The following PCDH11X variants were observed in gnomAD, a reference collection of about 807,000 sequenced individuals.
PCDH11X encodes the protein protocadherin 11 X-linked.
A neutral mutation model predicts 53.3 loss-of-function variants in PCDH11X; 18 were observed. The observed-to-expected ratio is 0.34, with a 90% CI of 0.23 to 0.50. The LOEUF is 0.50. Ranked by LOEUF, PCDH11X falls within the 20% of genes least tolerant of loss-of-function variation. The pLI, the probability that PCDH11X is intolerant of heterozygous loss-of-function variation, is 0.98. For synonymous variants in PCDH11X, 279 were observed against 393.3 expected, an observed-to-expected ratio of 0.71 and a Z score of 3.44; for missense variants, 570 against 1,032.4, an observed-to-expected ratio of 0.55 and a Z score of 6.14.
Position 91,883,706 on chromosome X carries a change from G to A in PCDH11X, c.3033+4433G>A, listed in dbSNP as rs757470060. The stretch of plus-strand genomic sequence containing the variant: ...TGTAGTCCCAGCTACTCGGGAGGCT[G>A]AGGCAGGAGAATAGCGTGAACCCGG... On this transcript the variant is annotated intron_variant, in intron 6 of 10. Coordinates refer to ENST00000682573, the MANE Select transcript of PCDH11X (RefSeq NM_032968.5). 6 of 537,650 alleles carry A rather than the reference G, an allele frequency of 1.1e-5. No homozygotes were observed. The East Asian group carries it at 5.4e-4, about 49-fold the overall frequency. 44.3% of individuals were successfully genotyped at this position (537,650 alleles called of 1,213,427 possible). A position where few individuals can be genotyped will look rare whatever the true frequency, so the allele number is the denominator to read the frequency against.
At chrX:91,823,176 G>A (rs1226193079) in intron 4 of PCDH11X, among the ~76,000 whole-genome samples, 1 of 110,572 alleles carries the variant, frequency 9.0e-6, no homozygotes, top group Non-Finnish European at 1.9e-5. Flanking sequence ...GAGTTCTGTA[G>A]ATGTCTATTA....
At chrX:91,935,734 A>G (rs1443333992) in intron 6 of PCDH11X, among the ~76,000 whole-genome samples, 1 of 110,551 alleles carries the variant, frequency 9.0e-6, no homozygotes, top group Non-Finnish European at 1.9e-5. Context: ...GCTTGATTTT[A>G]TACATTTTAG....
chrX:91,817,723 C>G (rs1054918383), intron 4 of PCDH11X, among the ~76,000 whole-genome samples: 10 of 110,899 alleles, frequency 9.0e-5, no homozygotes, highest in African/African-American at 3.3e-4. Flanking sequence ...GACTGCACAG[C>G]TCTAGATGCT....
At chrX:91,868,206 T>G (rs1453934318) in intron 5 of PCDH11X, among the ~76,000 whole-genome samples, 1 of 112,155 alleles carries the variant, frequency 8.9e-6, no homozygotes, top group Non-Finnish European at 1.9e-5. Context: ...TACTGCCAAT[T>G]TGAAAGTATT....
chrX:91,973,929 G>C (rs1165199545), intron 6 of PCDH11X, among the ~76,000 whole-genome samples: 1 of 110,614 alleles, frequency 9.0e-6, no homozygotes, highest in Non-Finnish European at 1.9e-5. Context: ...ACTTTTACTT[G>C]TCAATTAAAA....
At position 92,263,115 on chromosome X, in the gene PCDH11X, G is replaced by A. The variant is rs770575966; in HGVS notation, c.3116G>A (p.Arg1039Gln). The A allele has an allele frequency of 1.7e-4, 195 of 1,181,582 alleles. No individual in the cohort carries two copies. The highest frequency in any genetic ancestry group is 1.9e-4 in the Non-Finnish European group (169 of 878,499). ...MEIWIHPQPQ[R>Q]KSEGKVAGKS... Reference sequence around the variant, plus strand: ...TGCCTCCATTTTATCCTAAATCAGCGGAAATCTGAAGGGAAAGTGGCAGGA... The same window carrying A: ...TGCCTCCATTTTATCCTAAATCAGCAGAAATCTGAAGGGAAAGTGGCAGGA... Residue 1039 changes from arginine (R) to glutamine (Q), a missense_variant and splice_region_variant, in exon 8 of 11, where the codon CGG becomes CAG. Physicochemically the swap from Arg to Gln is conservative, Grantham distance 43 (BLOSUM62 1). Transcript: ENST00000682573.
chrX:91,781,093 C>T (rs1935123035), intron 1 of PCDH11X, among the ~76,000 whole-genome samples: 1 of 111,979 alleles, frequency 8.9e-6, no homozygotes. Context: ...TTGCTATTTG[C>T]GCCACTGCGG....
At chrX:92,336,396 G>T (rs889616410) in intron 8 of PCDH11X, among the ~76,000 whole-genome samples, 1 of 111,574 alleles carries the variant, frequency 9.0e-6, no homozygotes, top group Admixed American at 9.6e-5. Flanking sequence ...ACCAGAGGTA[G>T]TCCATGTTTC....
intron 5 of PCDH11X, among the ~76,000 whole-genome samples, chrX:91,849,492 A>G (rs1192825604): frequency 1.8e-5 from 2 of 108,419 alleles, no homozygotes; most frequent in Non-Finnish European, 3.8e-5. Flanking sequence ...CTTTGTGTCC[A>G]TGAGTTATCT....
chrX:91,821,907 C>A (rs1190013924), intron 4 of PCDH11X, among the ~76,000 whole-genome samples: 1 of 98,096 alleles, frequency 1.0e-5, no homozygotes, highest in African/African-American at 4.6e-5. Flanking sequence ...TTGTCAAAGG[C>A]CTTTTCTGCA....
intron 6 of PCDH11X, among the ~76,000 whole-genome samples, chrX:91,912,900 A>G (rs763744350): frequency 9.6e-4 from 108 of 112,257 alleles, no homozygotes; most frequent in African/African-American, 3.4e-3. Context: ...GCGAAAGGAA[A>G]ACCTACCTTC....
chrX:91,805,671 T>TAA (rs1556186635), intron 1 of PCDH11X, among the ~76,000 whole-genome samples: 1,828 of 105,867 alleles, frequency 0.017, 50 homozygotes, highest in African/African-American at 0.058. Flanking sequence ...TTTTTTTTTT[T>TAA]AAATTAGCTC....
At chrX:91,971,027 A>G (rs1490792112) in intron 6 of PCDH11X, among the ~76,000 whole-genome samples, 1 of 111,666 alleles carries the variant, frequency 9.0e-6, no homozygotes, top group Non-Finnish European at 1.9e-5. Flanking sequence ...TTGTTCCCTT[A>G]GGAAAATAGC....
chrX:91,912,981 A>G (rs1271802329), intron 6 of PCDH11X, among the ~76,000 whole-genome samples: 3 of 111,752 alleles, frequency 2.7e-5, no homozygotes, highest in African/African-American at 9.8e-5. Context: ...TAGAAATGAA[A>G]TGGATTTAGG....
At chrX:91,807,776 A>T (rs1025946626) in intron 1 of PCDH11X, among the ~76,000 whole-genome samples, 4 of 111,453 alleles carry the variant, frequency 3.6e-5, no homozygotes, top group African/African-American at 1.3e-4. Context: ...TTTTTCAATT[A>T]AAAATTTTTT....
intron 6 of PCDH11X, among the ~76,000 whole-genome samples, chrX:92,122,238 C>G (rs1285980528): frequency 9.0e-6 from 1 of 110,868 alleles, no homozygotes; most frequent in East Asian, 2.9e-4. Flanking sequence ...CCACCTCAGC[C>G]TCCAAAGTGC....
In PCDH11X at chrX:91,878,465, C is replaced by T. The variant is rs1170917702; in HGVS notation, c.2225C>T (p.Thr742Ile). The change falls in exon 6 of 11, where the codon ACA (threonine) becomes ATA (isoleucine). Residue 742 changes from threonine (T) to isoleucine (I), a missense_variant. Physicochemically the swap from Thr to Ile is moderately conservative, Grantham distance 89. Coordinates refer to ENST00000682573, the MANE Select transcript of PCDH11X (RefSeq NM_032968.5). ...ACATTGATGGAGAAATGTGATGTTA[C>T]AGACCTTGGTTTACACAGAGTGTTG... ...NITLMEKCDV[T>I]DLGLHRVLVK... 7.4e-6 allele frequency: 9 copies of T among 1,208,397 alleles called. No homozygotes were observed. Among genetic ancestry groups the T allele is most frequent in the Non-Finnish European group, 1.0e-5 (9 of 893,883 alleles).
intron 9 of PCDH11X, among the ~76,000 whole-genome samples, chrX:92,439,046 T>C (rs1362206414): frequency 9.0e-6 from 1 of 110,971 alleles, no homozygotes; most frequent in Non-Finnish European, 1.9e-5. Flanking sequence ...TTAATACTTT[T>C]GTATTAGAAA....
intron 9 of PCDH11X, among the ~76,000 whole-genome samples, chrX:92,424,091 C>T (rs2072042826): frequency 1.0e-5 from 1 of 95,728 alleles, no homozygotes; most frequent in East Asian, 3.0e-4. Context: ...TGGTACCTTT[C>T]ACAATATTGA....
Sources: allele counts gnomAD v4.1 joint callset (sites outside exome capture counted in the v4.1 genomes callset), GRCh38; gene constraint gnomAD v4.1.1; transcripts MANE v1.5; gene names NCBI Gene and HGNC (gene_info 2026-07-23, HGNC 2026-07-21).